SLC43A1: variants seen among roughly 807,000 people sequenced by gnomAD.
SLC43A1 encodes the protein large neutral amino acids transporter small subunit 3.
SLC43A1 carries 31 observed loss-of-function variants against 59.5 expected under a neutral mutation model. The observed-to-expected ratio is 0.52, with a 90% CI of 0.39 to 0.70. The LOEUF (loss-of-function observed/expected upper bound fraction) is 0.70, where lower values mean the gene tolerates loss of function less well. Among genes scored for constraint, SLC43A1 ranks in the 30% least tolerant of loss-of-function variants. The probability of loss-of-function intolerance (pLI) is 0.00; values close to 1 mark genes in which losing one functional copy is unlikely to be tolerated. For missense variants in SLC43A1, 598 were observed against 717.8 expected, an observed-to-expected ratio of 0.83 and a Z score of 1.91; for synonymous variants, 259 against 290.9, an observed-to-expected ratio of 0.89 and a Z score of 1.12.
chr11:57,486,215 T>C (rs1191985283), intron 14 of SLC43A1, among the ~76,000 whole-genome samples: 2 of 152,194 alleles, frequency 1.3e-5, no homozygotes, highest in African/African-American at 2.4e-5. Flanking sequence ...GGTCAGGCAC[T>C]GTGGCTCACG....
rs1944640328 is a variant in SLC43A1, at chr11:57,514,734, G to A, written c.-13-610C>T. Reference sequence around the variant, plus strand: ...AGCTGCCACGTGGAGGGAGACCCAGGACGGGCTCTCCTCGGTTCCCTCCTC... The same window carrying A: ...AGCTGCCACGTGGAGGGAGACCCAGAACGGGCTCTCCTCGGTTCCCTCCTC... On this transcript the variant is annotated intron_variant, in intron 1 of 14. Transcript: ENST00000278426. The surrounding 1 kb of genome is among the most constrained non-coding windows in gnomAD (Gnocchi z 5.5). 1.3e-6 allele frequency: 1 copy of A among 775,764 alleles called. No homozygotes were observed. Among genetic ancestry groups the A allele is most frequent in the Admixed American group, 6.2e-5 (1 of 16,062 alleles). The allele number at this position is 775,764 out of a possible 1,614,324, so 48.1% of individuals were successfully genotyped here.
In SLC43A1 at chr11:57,484,899, G is replaced by T. The variant is rs1251245001; in HGVS notation, c.*197C>A. ...AGGGACTGTCTTCAGTCAATGGAGC[G>T]TTGACTTAGGGGGCGTTTTTGAAGG... On this transcript the variant is annotated 3_prime_UTR_variant, in exon 15 of 15. Transcript: ENST00000278426. 1.8e-6 allele frequency: 1 copy of T among 568,680 alleles called. No individual in the cohort carries two copies. Among genetic ancestry groups the T allele is most frequent in the Non-Finnish European group, 2.9e-6 (1 of 340,750 alleles). 35.2% of individuals were successfully genotyped at this position (568,680 alleles called of 1,614,324 possible). A position where few individuals can be genotyped will look rare whatever the true frequency, so the allele number is the denominator to read the frequency against.
chr11:57,497,801 G>T lies in SLC43A1; in HGVS notation c.510C>A (p.Leu170=). 6.2e-7 allele frequency: 1 copy of T among 1,613,846 alleles called. No homozygotes were observed. The highest frequency in any genetic ancestry group is 8.5e-7 in the Non-Finnish European group (1 of 1,179,918). ...FGNLRSTLMA[L]MIGSYASSAI... is the part of the protein sequence containing the mutation. ...CAGAAGAGGCGTAAGAGCCAATCATGAGGGCCATTAACGTGGAGCGCAGGT... is the reference window on the plus strand; with the variant it reads ...CAGAAGAGGCGTAAGAGCCAATCATTAGGGCCATTAACGTGGAGCGCAGGT... Residue 170 remains leucine (L), a synonymous_variant, in exon 6 of 15, where the codon CTC becomes CTA. Transcript: ENST00000278426.
chr11:57,492,458 AAT>A (rs1210688784), intron 8 of SLC43A1, among the ~76,000 whole-genome samples: 4 of 133,796 alleles, frequency 3.0e-5, no homozygotes, highest in African/African-American at 1.1e-4. Flanking sequence ...ATATAATATA[AAT>A]ATATATATAA....
chr11:57,491,041 C>A (rs1471830432), intron 11 of SLC43A1, among the ~76,000 whole-genome samples, 183 bp downstream of exon 11: 1 of 152,206 alleles, frequency 6.6e-6, no homozygotes, highest in Admixed American at 6.5e-5. Flanking sequence ...ATTAGCTATT[C>A]TTATTATTAA....
chr11:57,485,616 T>A (rs936866494), intron 14 of SLC43A1, among the ~76,000 whole-genome samples: 9 of 152,076 alleles, frequency 5.9e-5, no homozygotes, highest in African/African-American at 1.4e-4. Flanking sequence ...GGGATCCCGT[T>A]CAGGGTGGCG....
intron 2 of SLC43A1, among the ~76,000 whole-genome samples, chr11:57,511,915 G>C (rs568611570): frequency 3.9e-5 from 6 of 152,250 alleles, no homozygotes; most frequent in East Asian, 3.9e-4. Flanking sequence ...GGGCAGAGGT[G>C]GGGGTGAGGC....
intron 2 of SLC43A1, among the ~76,000 whole-genome samples, chr11:57,509,155 C>CTAG (rs1032916430): frequency 3.3e-4 from 50 of 151,960 alleles, no homozygotes; most frequent in Non-Finnish European, 6.6e-4. Context: ...TTGGTCACCT[C>CTAG]TAGTAATCCC....
At chr11:57,492,258 TTA>T (rs1306643868) in intron 8 of SLC43A1, among the ~76,000 whole-genome samples, 1 of 139,134 alleles carries the variant, frequency 7.2e-6, no homozygotes. Context: ...ATATATATAT[TTA>T]TATATATAAA....
rs1430460707 is a variant in SLC43A1 at position 57,502,993 on chromosome 11, A to G, written c.155-1664T>C. Among the ~76,000 whole-genome samples, 4 of 152,290 alleles carry G rather than the reference A, an allele frequency of 2.6e-5. No individual in the cohort carries two copies. The South Asian group carries it at 6.2e-4, about 24-fold the overall frequency. Reference sequence around the variant, plus strand: ...GTGGTAGAGGACATCTGCCCTCAGTAGTGAAAATGACCCCTGACTTTACAT... The same window carrying G: ...GTGGTAGAGGACATCTGCCCTCAGTGGTGAAAATGACCCCTGACTTTACAT... On this transcript the variant is annotated intron_variant, in intron 2 of 14. Transcript: ENST00000278426.
At position 57,491,357 on chromosome 11, in the gene SLC43A1, A is replaced by T. The variant is rs1373599413; in HGVS notation, c.1060T>A (p.Phe354Ile). The T allele has an allele frequency of 2.5e-6, 4 of 1,594,320 alleles. No individual in the cohort carries two copies. Among genetic ancestry groups the T allele is most frequent in the Non-Finnish European group, 3.4e-6 (4 of 1,169,604 alleles). Residue 354 changes from phenylalanine (F) to isoleucine (I), a missense_variant, in exon 11 of 15, where the codon TTC becomes ATC. Transcript: ENST00000278426. ...ATGGCCCCGAAGACGGAGGAGTAGA[A>T]CCCAACTGGGCAGGATGGGAAGGGC... The part of the protein sequence containing the change: ...QQQKVAETVG[F>I]YSSVFGAMQL...
chr11:57,492,575 A>ATATATATAT (rs1565128063), intron 8 of SLC43A1, among the ~76,000 whole-genome samples: 1 of 23,658 alleles, frequency 4.2e-5, no homozygotes, highest in Non-Finnish European at 7.5e-5. Flanking sequence ...TATATATATA[A>ATATATATAT]AAAAATAAGC....
intron 2 of SLC43A1, among the ~76,000 whole-genome samples, chr11:57,505,245 C>T (rs1369283868): frequency 1.3e-5 from 2 of 152,218 alleles, no homozygotes; most frequent in East Asian, 3.8e-4. Context: ...GCCGCAGTAG[C>T]TCGCACCTAT....
At chr11:57,496,449 T>C (rs1437351323) in intron 6 of SLC43A1, among the ~76,000 whole-genome samples, 2 of 152,212 alleles carry the variant, frequency 1.3e-5, no homozygotes, top group Non-Finnish European at 2.9e-5. Context: ...TTCCATTATC[T>C]TAAAAAAATA....
intron 2 of SLC43A1, among the ~76,000 whole-genome samples, chr11:57,503,135 T>A (rs1271173841): frequency 6.6e-6 from 1 of 152,032 alleles, no homozygotes; most frequent in Non-Finnish European, 1.5e-5. Context: ...GAAGGAACTG[T>A]CCTGGACAAC....
chr11:57,493,554 C>T (rs1943993919), intron 8 of SLC43A1, among the ~76,000 whole-genome samples: 1 of 152,212 alleles, frequency 6.6e-6, no homozygotes, highest in Admixed American at 6.5e-5. Context: ...CTGGGATCTT[C>T]ATGTACCCTC....
Position 57,491,591 on chromosome 11 carries a change from C to T in SLC43A1, c.1054G>A (p.Val352Ile), listed in dbSNP as rs1943904432. ...NEQQQKVAET[V>I]GFYSSVFGAM... ...CAGGGCCCTGCTTTCATAGCCCTAC[C>T]TGTCTCTGCCACCTTTTGTTGCTGT... The change falls in exon 10 of 15, where the codon GTT becomes ATT. Residue 352 changes from valine (V) to isoleucine (I), a missense_variant and splice_region_variant. Physicochemically the swap from Val to Ile is conservative, Grantham distance 29. Coordinates refer to ENST00000278426, the MANE Select transcript of SLC43A1 (RefSeq NM_003627.6). 1 of 1,614,050 alleles carries T rather than the reference C, an allele frequency of 6.2e-7. No homozygotes were observed. Among genetic ancestry groups the T allele is most frequent in the African/African-American group, 1.3e-5 (1 of 74,938 alleles).
intron 8 of SLC43A1, 93 bp downstream of exon 8, chr11:57,493,900 G>T (rs1285708391): frequency 1.5e-5 from 18 of 1,240,854 alleles, no homozygotes; most frequent in Non-Finnish European, 2.0e-5. Flanking sequence ...GACTGAAGAG[G>T]GGTGCGAATA....
rs969881205 is a variant in SLC43A1, at chr11:57,514,900, G to A, written c.-14+544C>T. ...CGGCTGCTGACTTTATAAGGGCAGCGGTGGCGGATGGGCTGGCGGGCGGGT... is the reference window on the plus strand; with the variant it reads ...CGGCTGCTGACTTTATAAGGGCAGCAGTGGCGGATGGGCTGGCGGGCGGGT... On this transcript the variant is annotated intron_variant, in intron 1 of 14. Transcript: ENST00000278426. This position sits in a 1 kb window ranked among gnomAD's most constrained non-coding sequence, Gnocchi z 5.5. 4.4e-5 allele frequency: 43 copies of A among 981,380 alleles called. No individual in the cohort carries two copies. Among genetic ancestry groups the A allele is most frequent in the Non-Finnish European group, 5.2e-5 (43 of 826,436 alleles). The allele number at this position is 981,380 out of a possible 1,614,324, so 60.8% of individuals were successfully genotyped here. A position where few individuals can be genotyped will look rare whatever the true frequency, so the allele number is the denominator to read the frequency against.
Sources: gnomAD v4.1 joint callset for allele counts (sites outside exome capture counted in the v4.1 genomes callset) on GRCh38, gnomAD v4.1.1 for gene constraint, Gnocchi (gnomAD v3.1) non-coding constraint, MANE v1.5 for transcripts, NCBI Gene and HGNC (gene_info 2026-07-23, HGNC 2026-07-21) for gene names.